The following SLC30A8 variants were observed in gnomAD, a reference collection of about 807,000 sequenced individuals.
SLC30A8 encodes solute carrier family 30 member 8.
SLC30A8 carries 27 observed loss-of-function variants against 36.9 expected under a neutral mutation model. The observed-to-expected ratio is 0.73, with a 90% CI of 0.54 to 1.01. SLC30A8 has a LOEUF of 1.01. SLC30A8 is among the 50% of genes least tolerant of loss of function. SLC30A8 has a pLI of 0.00. For missense variants in SLC30A8, 439 were observed against 452.0 expected, an observed-to-expected ratio of 0.97 and a Z score of 0.26; for synonymous variants, 164 against 172.4, an observed-to-expected ratio of 0.95 and a Z score of 0.38.
intron 1 of SLC30A8, among the ~76,000 whole-genome samples, chr8:116,994,667 C>T (rs960736071): frequency 7.9e-5 from 12 of 151,988 alleles, no homozygotes; most frequent in South Asian, 6.2e-4. Flanking sequence ...ATATACTATA[C>T]GTTGATTCAG....
At chr8:117,087,656 T>C (rs1401853810) in intron 2 of SLC30A8, among the ~76,000 whole-genome samples, 1 of 152,152 alleles carries the variant, frequency 6.6e-6, no homozygotes, top group African/African-American at 2.4e-5. Flanking sequence ...ATTCAGGGAC[T>C]TCTGACATTT....
chr8:116,991,091 A>G (rs1815624080), intron 1 of SLC30A8, among the ~76,000 whole-genome samples: 1 of 152,066 alleles, frequency 6.6e-6, no homozygotes, highest in South Asian at 2.1e-4. Context: ...TTGCCATTCT[A>G]TTTTTGAATC....
intron 1 of SLC30A8, among the ~76,000 whole-genome samples, chr8:116,981,397 G>A (rs183265130): frequency 3.0e-4 from 45 of 152,298 alleles, no homozygotes; most frequent in African/African-American, 1.1e-3. Flanking sequence ...AGGAGGAGAA[G>A]TCAGTCCTAC....
intron 1 of SLC30A8, among the ~76,000 whole-genome samples, chr8:116,960,929 T>C (rs571243756): frequency 2.0e-5 from 3 of 152,338 alleles, no homozygotes; most frequent in African/African-American, 7.2e-5. Context: ...CTCTGCTCTT[T>C]ATGACTCTCC....
intron 2 of SLC30A8, among the ~76,000 whole-genome samples, chr8:117,081,760 A>T (rs1320008124): frequency 6.6e-6 from 1 of 152,214 alleles, no homozygotes. Context: ...CAAGTTTTTA[A>T]GTAAAGTCTT....
rs574978569 is a variant in SLC30A8, at chr8:116,973,039, A to G, written c.-266+21920A>G. On this transcript the variant is annotated intron_variant, in intron 1 of 10. Coordinates refer to the SLC30A8 transcript ENST00000427715. The stretch of plus-strand genomic sequence containing the variant: ...TCTCATGATGGTAGAATCCTCATGA[A>G]TGGGATTCGTTCTCTTATAAAAGAG... 5.3e-5 allele frequency among the ~76,000 whole-genome samples: 8 copies of G among 152,170 alleles called. No homozygotes were observed. The South Asian group carries it at 1.2e-3, about 24-fold the overall frequency.
chr8:117,122,489 A>G (rs1293065971), intron 2 of SLC30A8, among the ~76,000 whole-genome samples: 1 of 152,012 alleles, frequency 6.6e-6, no homozygotes, highest in Non-Finnish European at 1.5e-5. Flanking sequence ...CCTTTCACCT[A>G]CAAGGCTTGT....
intron 1 of SLC30A8, among the ~76,000 whole-genome samples, chr8:116,957,761 T>C (rs1814267330): frequency 6.6e-6 from 1 of 152,206 alleles, no homozygotes; most frequent in Non-Finnish European, 1.5e-5. Context: ...TTGTATGATA[T>C]TGGCCAACTA....
Position 117,157,691 on chromosome 8 carries a change from A to C in SLC30A8, c.419A>C (p.Glu140Ala), listed in dbSNP as rs1300885615. The stretch of plus-strand genomic sequence containing the variant: ...TTTCTGTGTGTGTTTGAATTCCTAG[A>C]GATCCTTGGTGCCCTGCTCTCCATC... Reference protein sequence around the residue: ...KRLTFGWHRAEILGALLSILC... With the variant: ...KRLTFGWHRAAILGALLSILC... The change falls in exon 4 of 8, where the codon GAG becomes GCG. Residue 140 changes from glutamate to alanine, a missense_variant and splice_region_variant. By Grantham distance (107) the Glu-to-Ala change is moderately radical. Transcript: ENST00000456015. 1.2e-6 allele frequency: 2 copies of C among 1,613,554 alleles called. No individual in the cohort carries two copies. The highest frequency in any genetic ancestry group is 2.7e-5 in the African/African-American group (2 of 74,810).
At chr8:117,080,354 G>A (rs573367980) in intron 2 of SLC30A8, among the ~76,000 whole-genome samples, 3 of 150,874 alleles carry the variant, frequency 2.0e-5, no homozygotes, top group African/African-American at 7.3e-5. Flanking sequence ...TTTTAGATTC[G>A]GGGATACACA....
intron 1 of SLC30A8, among the ~76,000 whole-genome samples, chr8:117,023,504 A>G (rs1361942043): frequency 1.3e-5 from 2 of 152,202 alleles, no homozygotes; most frequent in African/African-American, 4.8e-5. Flanking sequence ...GGATTAAGAA[A>G]ATGTGGCACA....
At chr8:116,972,204 C>T (rs1408195420) in intron 1 of SLC30A8, among the ~76,000 whole-genome samples, 1 of 152,190 alleles carries the variant, frequency 6.6e-6, no homozygotes, top group Non-Finnish European at 1.5e-5. Flanking sequence ...TTAGAAATAT[C>T]ATGCAACATT....
intron 2 of SLC30A8, among the ~76,000 whole-genome samples, chr8:117,058,435 C>T (rs776025109): frequency 3.3e-5 from 5 of 152,074 alleles, no homozygotes; most frequent in Non-Finnish European, 7.4e-5. Context: ...CTTTTGGTGT[C>T]ATATCAAAAA....
chr8:117,047,203 C>G (rs1312725997), intron 2 of SLC30A8, among the ~76,000 whole-genome samples: 1 of 152,148 alleles, frequency 6.6e-6, no homozygotes, highest in Non-Finnish European at 1.5e-5. Context: ...GTCTGGCAAC[C>G]TTGGTAAAAG....
intron 1 of SLC30A8, among the ~76,000 whole-genome samples, chr8:116,962,619 T>C (rs1003795296): frequency 6.6e-6 from 1 of 151,956 alleles, no homozygotes; most frequent in Non-Finnish European, 1.5e-5. Context: ...TTTCACAGAA[T>C]TAGAAATTAA....
chr8:117,042,561 G>A (rs1029061131), intron 2 of SLC30A8, among the ~76,000 whole-genome samples: 3 of 151,966 alleles, frequency 2.0e-5, no homozygotes, highest in East Asian at 1.9e-4. Context: ...AGCCGGTGCT[G>A]TTTTATTCCT....
rs190307589 is a variant in SLC30A8 at position 117,031,753 on chromosome 8, C to T, written c.-265-7466C>T. Among the ~76,000 whole-genome samples the T allele has an allele frequency of 1.7e-3, 260 of 152,058 alleles. 1 individual carries two copies. Among genetic ancestry groups the T allele is most frequent in the African/African-American group, 5.9e-3 (246 of 41,508 alleles). The stretch of plus-strand genomic sequence containing the variant: ...TACTGAGATTACAGGCGTGAGCCAC[C>T]GCACCCAGCCGAAATCTTCTTAATA... On this transcript the variant is annotated intron_variant, in intron 1 of 10. Coordinates refer to the SLC30A8 transcript ENST00000427715.
At chr8:116,970,030 A>G (rs1428564484) in intron 1 of SLC30A8, among the ~76,000 whole-genome samples, 2 of 152,066 alleles carry the variant, frequency 1.3e-5, no homozygotes, top group East Asian at 3.8e-4. Context: ...TAAATTTTTT[A>G]TACTTTTAGT....
intron 6 of SLC30A8, among the ~76,000 whole-genome samples, chr8:117,168,803 C>T (rs546430153): frequency 2.0e-5 from 3 of 152,236 alleles, no homozygotes; most frequent in East Asian, 1.9e-4. Flanking sequence ...CTAGTATTTG[C>T]GTAACACTTT....
Sources: allele counts gnomAD v4.1 joint callset (sites outside exome capture counted in the v4.1 genomes callset), GRCh38; gene constraint gnomAD v4.1.1; transcripts MANE v1.5; gene names NCBI Gene and HGNC (gene_info 2026-07-23, HGNC 2026-07-21).